Variants in COL4A3 observed in about 807,000 individuals in gnomAD.
The protein encoded by COL4A3 is collagen alpha-3(IV) chain.
COL4A3 carries 135 observed loss-of-function variants against 217.4 expected under a neutral mutation model. That is an observed-to-expected ratio of 0.62 (90% CI 0.54 to 0.72). The LOEUF is 0.72. COL4A3 is among the 30% of genes least tolerant of loss of function. The probability of loss-of-function intolerance (pLI) is 0.00; values close to 1 mark genes in which losing one functional copy is unlikely to be tolerated. For missense variants in COL4A3, 1,868 were observed against 2,119.9 expected (o/e 0.88, Z 2.33); for synonymous variants, 690 against 736.3 (o/e 0.94, Z 1.02).
chr2:227,172,093 A>G (rs2065497380), intron 1 of COL4A3, among the ~76,000 whole-genome samples: 3 of 152,166 alleles, frequency 2.0e-5, no homozygotes, highest in Admixed American at 1.3e-4. Context: ...GTCATATACC[A>G]GTTAAACTCC....
intron 28 of COL4A3, 60 bp downstream of exon 28, chr2:227,277,613 T>C: frequency 1.0e-6 from 1 of 968,310 alleles, no homozygotes; most frequent in Non-Finnish European, 1.6e-6. Flanking sequence ...GATGTTCATA[T>C]GTATAAATAA....
intron 1 of COL4A3, among the ~76,000 whole-genome samples, chr2:227,224,727 C>T (rs1413274834): frequency 2.0e-5 from 3 of 151,110 alleles, no homozygotes; most frequent in African/African-American, 7.3e-5. Context: ...TGCACTCCAG[C>T]CTGGGCAACA....
intron 1 of COL4A3, among the ~76,000 whole-genome samples, chr2:227,210,597 A>G (rs2067279498): frequency 6.6e-6 from 1 of 152,170 alleles, no homozygotes; most frequent in Non-Finnish European, 1.5e-5. Context: ...CTCAAAAAGA[A>G]AAAAAGAATG....
Position 227,191,931 on chromosome 2 carries a change from T to C in COL4A3, c.87+27118T>C, listed in dbSNP as rs1164583067. ...CTTATCAAAAACAGACACTTGAGAATTGTGGAAAGGGAAAAAAATTATCGA... is the reference window on the plus strand; with the variant it reads ...CTTATCAAAAACAGACACTTGAGAACTGTGGAAAGGGAAAAAAATTATCGA... On this transcript the variant is annotated intron_variant, in intron 1 of 51. Transcript: ENST00000396578. The surrounding 1 kb of genome is among the most constrained non-coding windows in gnomAD (Gnocchi z 6.8). 6.6e-6 allele frequency among the ~76,000 whole-genome samples: 1 copy of C among 152,126 alleles called. No homozygotes were observed. Among genetic ancestry groups the C allele is most frequent in the African/African-American group, 2.4e-5 (1 of 41,430 alleles).
intron 51 of COL4A3, among the ~76,000 whole-genome samples, chr2:227,311,368 T>C (rs953618877): frequency 7.9e-6 from 1 of 127,064 alleles, no homozygotes; most frequent in Non-Finnish European, 1.6e-5. Flanking sequence ...ATTAATATAA[T>C]AAATTTCTCT....
At chr2:227,289,317 G>A in intron 35 of COL4A3, 69 bp downstream of exon 35, 1 of 1,308,592 alleles carries the variant, frequency 7.6e-7, no homozygotes, top group Non-Finnish European at 1.1e-6. Flanking sequence ...AATAAAAGTT[G>A]TTTCTAGGCT....
chr2:227,165,972 C>A (rs919038951), intron 1 of COL4A3, among the ~76,000 whole-genome samples: 1 of 152,170 alleles, frequency 6.6e-6, no homozygotes, highest in Non-Finnish European at 1.5e-5. Context: ...TACACACACA[C>A]ATATGAACCC....
In COL4A3 at chr2:227,250,353, TAGATAGA is replaced by T. The variant is rs2069664045; in HGVS notation, c.547-786_547-780del. On this transcript the variant is annotated intron_variant, in intron 9 of 51. Coordinates refer to ENST00000396578, the MANE Select transcript of COL4A3 (RefSeq NM_000091.5). This position sits in a 1 kb window ranked among gnomAD's most constrained non-coding sequence, Gnocchi z 4.1. ...AGATAAAAGATGATAGATAGATAGA[TAGATAGA>T]TAGATAGATAGATAGATAGATAGAT... is the stretch of plus-strand genomic sequence containing the variant. Among the ~76,000 whole-genome samples the T allele has an allele frequency of 6.8e-6, 1 of 147,206 alleles. No homozygotes were observed. Among genetic ancestry groups the T allele is most frequent in the South Asian group, 2.1e-4 (1 of 4,692 alleles).
intron 1 of COL4A3, among the ~76,000 whole-genome samples, chr2:227,198,810 T>A (rs778264665): frequency 6.6e-6 from 1 of 152,208 alleles, no homozygotes; most frequent in Non-Finnish European, 1.5e-5. Flanking sequence ...CTCTTTTATT[T>A]ATTTAAATTT....
At chr2:227,252,131 T>G (rs1412416049) in intron 11 of COL4A3, among the ~76,000 whole-genome samples, 1 of 148,010 alleles carries the variant, frequency 6.8e-6, no homozygotes, top group Admixed American at 6.8e-5. Context: ...AAATGTTGAG[T>G]GAGGCTGAGC....
chr2:227,288,395 C>A (rs527283879), intron 34 of COL4A3, among the ~76,000 whole-genome samples: 28 of 152,316 alleles, frequency 1.8e-4, no homozygotes, highest in African/African-American at 6.5e-4. Context: ...CTGCACCTGG[C>A]CCAATGACTA....
chr2:227,201,357 TCAAAAAG>T (rs1471971334), intron 1 of COL4A3, among the ~76,000 whole-genome samples: 3 of 151,690 alleles, frequency 2.0e-5, no homozygotes, highest in Non-Finnish European at 4.4e-5. Context: ...TTAGGTGGAA[TCAAAAAG>T]CAAAATGCAA....
At position 227,294,481 on chromosome 2, in the gene COL4A3, C is replaced by T. The variant is rs759539270; in HGVS notation, c.3338-9C>T. 5 of 1,584,420 alleles carry T rather than the reference C, an allele frequency of 3.2e-6. 1 individual carries two copies. In the South Asian group the frequency reaches 5.5e-5, roughly 18 times the overall value. On this transcript the variant is annotated splice_polypyrimidine_tract_variant and intron_variant, in intron 38 of 51. Coordinates refer to ENST00000396578, the MANE Select transcript of COL4A3 (RefSeq NM_000091.5). The stretch of plus-strand genomic sequence containing the variant: ...TCTTTTTTCTTCCTTCCCCTCTCTT[C>T]ATTTCCAGGAAAGCCAGGTCCTCAT...
chr2:227,247,566 T>C lies in COL4A3; in HGVS notation c.450T>C (p.Ala150=), dbSNP rs2069426482. The C allele has an allele frequency of 6.2e-7, 1 of 1,614,122 alleles. No homozygotes were observed. Residue 150 remains alanine, a synonymous_variant, in exon 8 of 52, where the codon GCT becomes GCC. Coordinates refer to ENST00000396578, the MANE Select transcript of COL4A3 (RefSeq NM_000091.5). ...TLGYPGIPGA[A]GLKGQKGAPA... is the part of the protein sequence containing the mutation. ...GGTTGCTTTTTTCCTAGGGTGCTGC[T>C]GGTTTGAAAGGACAAAAGGTAAGTC...
At chr2:227,309,770 T>C (rs2073669862) in intron 50 of COL4A3, among the ~76,000 whole-genome samples, 1 of 151,906 alleles carries the variant, frequency 6.6e-6, no homozygotes, top group African/African-American at 2.4e-5. Context: ...CCCAGCTAAT[T>C]TTTGTATTTT....
At position 227,295,021 on chromosome 2, in the gene COL4A3, G is replaced by A. The variant is rs145948549; in HGVS notation, c.3476G>A (p.Arg1159His). The change falls in exon 40 of 52, where the codon CGT becomes CAT. Residue 1159 changes from arginine (R) to histidine (H), a missense_variant. Coordinates refer to ENST00000396578, the MANE Select transcript of COL4A3 (RefSeq NM_000091.5). ...ATGGGTATAAGAGGTGACCAAGGACGTGATGGAATTCCTGGTCCAGCCGGA... is the reference window on the plus strand; with the variant it reads ...ATGGGTATAAGAGGTGACCAAGGACATGATGGAATTCCTGGTCCAGCCGGA... ...GPMGIRGDQG[R>H]DGIPGPAGEK... is the part of the protein sequence containing the mutation. The A allele has an allele frequency of 1.3e-4, 213 of 1,613,064 alleles. 1 individual carries two copies. The East Asian group carries it at 4.1e-3, about 31-fold the overall frequency.
chr2:227,229,588 C>G (rs2068278055), intron 1 of COL4A3, among the ~76,000 whole-genome samples: 1 of 152,144 alleles, frequency 6.6e-6, no homozygotes, highest in African/African-American at 2.4e-5. Flanking sequence ...TGTGGATGTC[C>G]TTTGGCTTGG....
Position 227,309,266 on chromosome 2 carries a change from C to T in COL4A3, c.4703C>T (p.Pro1568Leu), listed in dbSNP as rs267599234. Residue 1568 changes from proline (P) to leucine (L), a missense_variant, in exon 50 of 52, where the codon CCT becomes CTT. Pro to Leu is a moderately conservative substitution (Grantham distance 98, BLOSUM62 -3). Coordinates refer to ENST00000396578, the MANE Select transcript of COL4A3 (RefSeq NM_000091.5). The part of the protein sequence containing the change: ...IAVHSQTTDI[P>L]PCPHGWISLW... Reference sequence around the variant, plus strand: ...GTTCACAGCCAAACCACTGACATTCCTCCATGTCCTCACGGCTGGATTTCT... The same window carrying T: ...GTTCACAGCCAAACCACTGACATTCTTCCATGTCCTCACGGCTGGATTTCT... 6.2e-7 allele frequency: 1 copy of T among 1,614,076 alleles called. No individual in the cohort carries two copies. Among genetic ancestry groups the T allele is most frequent in the Non-Finnish European group, 8.5e-7 (1 of 1,180,042 alleles).
chr2:227,279,650 A>T, intron 28 of COL4A3, 143 bp from the exon 29 acceptor site: 1 of 572,448 alleles, frequency 1.7e-6, no homozygotes, highest in South Asian at 2.9e-5. Flanking sequence ...ACTTTTAAAA[A>T]ATTGCTAATT....
Sources: allele counts gnomAD v4.1 joint callset (sites outside exome capture counted in the v4.1 genomes callset), GRCh38; gene constraint gnomAD v4.1.1; non-coding constraint Gnocchi (gnomAD v3.1); transcripts MANE v1.5; gene names NCBI Gene and HGNC (gene_info 2026-07-23, HGNC 2026-07-21).